Variants in FANCA observed in about 807,000 individuals in gnomAD.
FANCA encodes the protein Fanconi anemia group A protein.
In FANCA, 236 loss-of-function variants were observed where a neutral mutation model predicts 194.3. That is an observed-to-expected ratio of 1.21 (90% CI 1.09 to 1.35). The LOEUF (loss-of-function observed/expected upper bound fraction) is 1.35, where lower values mean the gene tolerates loss of function less well. Ranked by LOEUF, FANCA falls within the 40% of genes most tolerant of loss-of-function variation. The pLI, the probability that FANCA is intolerant of heterozygous loss-of-function variation, is 0.00. For missense variants in FANCA, 2,628 were observed against 1,813.9 expected (o/e 1.45, Z -8.15); for synonymous variants, 1,014 against 715.8 (o/e 1.42, Z -6.65).
chr16:89,760,768 G>A (rs1238207507), intron 29 of FANCA, among the ~76,000 whole-genome samples: 1 of 152,106 alleles, frequency 6.6e-6, no homozygotes, highest in African/African-American at 2.4e-5. Context: ...CTCAAAGTCT[G>A]CACCACCTGC....
chr16:89,738,683 T>G lies in FANCA; in HGVS notation c.4286A>C (p.Asp1429Ala), dbSNP rs2151709895. ...CTGGAGGGCGGCGCTCACCTCTGGG[T>G]CGCAGTCCCCACGATCAGCCAGCAG... ...AELLADRGDC[D>A]PEVSAALQSR... is the part of the protein sequence containing the mutation. Residue 1429 changes from aspartate to alanine, a missense_variant, in exon 43 of 43, where the codon GAC (aspartate) becomes GCC (alanine). By Grantham distance (126) the Asp-to-Ala change is moderately radical. Transcript: ENST00000389301. 6.2e-7 allele frequency: 1 copy of G among 1,613,736 alleles called. No individual in the cohort carries two copies. The highest frequency in any genetic ancestry group is 8.5e-7 in the Non-Finnish European group (1 of 1,180,000).
intron 13 of FANCA, 63 bp from the exon 14 acceptor site, chr16:89,791,599 G>C: frequency 2.5e-6 from 4 of 1,603,092 alleles, no homozygotes; most frequent in Non-Finnish European, 3.4e-6. Context: ...CATGACGTGA[G>C]TTATGCTGGG....
intron 17 of FANCA, among the ~76,000 whole-genome samples, chr16:89,781,713 C>T (rs1278735848): frequency 7.0e-6 from 1 of 143,344 alleles, no homozygotes; most frequent in Non-Finnish European, 1.5e-5. Flanking sequence ...AGAATGTTTT[C>T]ATTAGGCCGG....
At chr16:89,758,791 G>C (rs903220708) in intron 29 of FANCA, 86 bp from the exon 30 acceptor site, 66 of 1,586,768 alleles carry the variant, frequency 4.2e-5, no homozygotes, top group Non-Finnish European at 4.0e-5. Context: ...CCATAGTAAG[G>C]GACACACAGC....
At chr16:89,794,808 G>A (rs2040188868) in intron 11 of FANCA, among the ~76,000 whole-genome samples, 2 of 152,152 alleles carry the variant, frequency 1.3e-5, no homozygotes, top group Non-Finnish European at 2.9e-5. Flanking sequence ...TGTCATACAT[G>A]GGTAACAGGA....
intron 18 of FANCA, 48 bp from the exon 19 acceptor site, chr16:89,779,051 G>A (rs774141590): frequency 6.3e-7 from 1 of 1,576,884 alleles, no homozygotes; most frequent in East Asian, 2.2e-5. Flanking sequence ...CAGCGAGAAG[G>A]CAATTCCCAC....
At chr16:89,745,861 C>A (rs2038369746) in intron 35 of FANCA, among the ~76,000 whole-genome samples, 1 of 152,238 alleles carries the variant, frequency 6.6e-6, no homozygotes, top group African/African-American at 2.4e-5. Context: ...TCCTTGGATG[C>A]CCTCAGCTGA....
chr16:89,737,851 A>C lies in FANCA; in HGVS notation c.*750T>G. 1 of 1,614,204 alleles carries C rather than the reference A, an allele frequency of 6.2e-7. No individual in the cohort carries two copies. Among genetic ancestry groups the C allele is most frequent in the Non-Finnish European group, 8.5e-7 (1 of 1,180,038 alleles). On this transcript the variant is annotated 3_prime_UTR_variant, in exon 43 of 43. Transcript: ENST00000389301. ...GACGAATGTGGACAAACCTTCAAGC[A>C]GCGGAAGCACCTTCTCGTCCACCAA... is the stretch of plus-strand genomic sequence containing the variant.
In FANCA at chr16:89,737,761, G is replaced by A. The variant is rs779117643; in HGVS notation, c.*840C>T. 2.5e-6 allele frequency: 4 copies of A among 1,611,332 alleles called. No homozygotes were observed. Among genetic ancestry groups the A allele is most frequent in the Admixed American group, 1.7e-5 (1 of 59,954 alleles). Reference sequence around the variant, plus strand: ...ATTGTCATCGTCGTCCCCCCGGGAGGTTGGAGCATCAGGGGCCTGGACTCA... The same window carrying A: ...ATTGTCATCGTCGTCCCCCCGGGAGATTGGAGCATCAGGGGCCTGGACTCA... On this transcript the variant is annotated 3_prime_UTR_variant, in exon 43 of 43. Transcript: ENST00000389301.
intron 32 of FANCA, 28 bp downstream of exon 32, chr16:89,749,702 G>C (rs1254715787): frequency 6.2e-7 from 1 of 1,603,912 alleles, no homozygotes; most frequent in Admixed American, 1.7e-5. Flanking sequence ...AGGTGGTGCT[G>C]CCCTGCCCAG....
chr16:89,742,981 T>C (rs1203430086), intron 36 of FANCA, 43 bp from the exon 37 acceptor site: 3 of 1,597,796 alleles, frequency 1.9e-6, no homozygotes, highest in African/African-American at 2.7e-5. Flanking sequence ...CTTACAACCA[T>C]ACAACCACGC....
At chr16:89,786,086 A>AG (rs1323213911) in intron 14 of FANCA, among the ~76,000 whole-genome samples, 3 of 143,976 alleles carry the variant, frequency 2.1e-5, no homozygotes, top group Non-Finnish European at 4.5e-5. Flanking sequence ...CGGTGCAATC[A>AG]GGGCTCACTG....
At chr16:89,739,039 C>G (rs760276584) in intron 41 of FANCA, 65 bp from the exon 42 acceptor site, 3 of 1,614,034 alleles carry the variant, frequency 1.9e-6, no homozygotes, top group Non-Finnish European at 8.5e-7. Context: ...GTGTGTCCCC[C>G]ATAGTCTGCA....
rs757274905 is a variant in FANCA, at chr16:89,771,812, T to C, written c.2017A>G (p.Ile673Val). ...SMTDPSQRDV[I>V]SAQVAVISER... ...GAAATCACTGCCACCTGTGCCGATA[T>C]AACTGCGAAGGAAGAAACTAGTTAG... Residue 673 changes from isoleucine to valine, a missense_variant and splice_region_variant, in exon 23 of 43, where the codon ATA (isoleucine) becomes GTA (valine). Ile to Val is a conservative substitution (Grantham distance 29). Transcript: ENST00000389301. 4.3e-6 allele frequency: 7 copies of C among 1,613,796 alleles called. No homozygotes were observed. The highest frequency in any genetic ancestry group is 3.3e-5 in the South Asian group (3 of 91,056).
At chr16:89,783,374 C>A (rs902204570) in intron 15 of FANCA, among the ~76,000 whole-genome samples, 75 of 151,894 alleles carry the variant, frequency 4.9e-4, no homozygotes, top group Admixed American at 2.7e-3. Context: ...CATGGTGAAA[C>A]CCTGTCTCTA....
intron 30 of FANCA, among the ~76,000 whole-genome samples, chr16:89,755,845 G>A (rs2038749394): frequency 6.6e-6 from 1 of 151,038 alleles, no homozygotes. Context: ...GCACACCTAG[G>A]CCACACGGCA....
At chr16:89,806,968 C>T (rs937086313) in intron 6 of FANCA, among the ~76,000 whole-genome samples, 29 of 152,090 alleles carry the variant, frequency 1.9e-4, no homozygotes, top group Non-Finnish European at 1.5e-5. Flanking sequence ...GGCGGCTGGC[C>T]GGGCGGGGGG....
intron 30 of FANCA, 61 bp downstream of exon 30, chr16:89,758,516 T>C: frequency 1.9e-6 from 3 of 1,590,986 alleles, no homozygotes; most frequent in Non-Finnish European, 2.6e-6. Flanking sequence ...AAACTCCCCT[T>C]TATATATATC....
At chr16:89,802,849 T>C (rs1437205382) in intron 8 of FANCA, among the ~76,000 whole-genome samples, 1 of 152,172 alleles carries the variant, frequency 6.6e-6, no homozygotes. Context: ...AAAGTGGCTC[T>C]TGTGGAGGTA....
Sources: gnomAD v4.1 joint callset for allele counts (sites outside exome capture counted in the v4.1 genomes callset) on GRCh38, gnomAD v4.1.1 for gene constraint, MANE v1.5 for transcripts, NCBI Gene and HGNC (gene_info 2026-07-23, HGNC 2026-07-21) for gene names.